The following PPFIA1 variants were observed in gnomAD, a reference collection of about 807,000 sequenced individuals.
The protein encoded by PPFIA1 is PPFI scaffold protein A1, also known as liprin-alpha-1.
PPFIA1 carries 25 observed loss-of-function variants against 149.9 expected under a neutral mutation model. The observed-to-expected ratio is 0.17, with a 90% CI of 0.12 to 0.23. The LOEUF is 0.23. Ranked by LOEUF, PPFIA1 falls within the 10% of genes least tolerant of loss-of-function variation. The pLI, the probability that PPFIA1 is intolerant of heterozygous loss-of-function variation, is 1.00. For missense variants in PPFIA1, 1,362 were observed against 1,506.5 expected, an observed-to-expected ratio of 0.90 and a Z score of 1.59; for synonymous variants, 549 against 552.8, an observed-to-expected ratio of 0.99 and a Z score of 0.10.
intron 24 of PPFIA1, chr11:70,375,451 T>A (rs2057454481): frequency 6.2e-6 from 1 of 160,054 alleles, no homozygotes; most frequent in Admixed American, 6.5e-5. Flanking sequence ...TCTTTTTGAC[T>A]CATGGGCTCA....
In PPFIA1 at chr11:70,362,410, G is replaced by T; in HGVS notation, c.2787G>T (p.Leu929=). Residue 929 remains leucine, a synonymous_variant, in exon 21 of 28, where the codon CTG becomes CTT. Transcript: ENST00000253925. ...IQREIGISNP[L]HRLKLRLAIQ... ...GTGAGATTGGCATCAGCAACCCCCT[G>T]CACAGGCTGAAGCTGAGGCTGGCCA... The T allele has an allele frequency of 1.2e-6, 2 of 1,614,168 alleles. No individual in the cohort carries two copies. Among genetic ancestry groups the T allele is most frequent in the Non-Finnish European group, 1.7e-6 (2 of 1,180,026 alleles).
At chr11:70,345,770 C>T (rs112383618) in intron 15 of PPFIA1, 2,698 of 200,218 alleles carry the variant, frequency 0.013, 64 homozygotes, top group African/African-American at 0.057. Flanking sequence ...GAGGCTGCAG[C>T]GAGCTGTGAT....
chr11:70,380,888 C>CA (rs768475115), intron 26 of PPFIA1, among the ~76,000 whole-genome samples: 3 of 151,958 alleles, frequency 2.0e-5, no homozygotes, highest in Non-Finnish European at 4.4e-5. Context: ...GGTTGGAGTG[C>CA]AGTGGCTCAG....
chr11:70,324,936 A>G lies in PPFIA1; in HGVS notation c.456A>G (p.Ala152=). The G allele has an allele frequency of 6.2e-7, 1 of 1,614,118 alleles. No homozygotes were observed. The highest frequency in any genetic ancestry group is 1.6e-4 in the Middle Eastern group (1 of 6,062). ...TGAAGAGACAAGCGCAGTCTCCAGC[A>G]GGCGTGTCCAGCGAAGTGGAAGTGC... The part of the protein sequence containing the change: ...TVVKRQAQSP[A]GVSSEVEVLK... The change falls in exon 4 of 28, where the codon GCA becomes GCG. Residue 152 remains alanine, a synonymous_variant. Coordinates refer to ENST00000253925, the MANE Select transcript of PPFIA1 (RefSeq NM_003626.5).
intron 2 of PPFIA1, among the ~76,000 whole-genome samples, chr11:70,293,681 TG>T (rs1016369994): frequency 3.3e-5 from 5 of 152,294 alleles, no homozygotes; most frequent in African/African-American, 1.2e-4. Flanking sequence ...CTGGGTGGAC[TG>T]GGCCCTGTAG....
chr11:70,355,508 A>G (rs903506853), intron 17 of PPFIA1, 131 bp from the exon 18 acceptor site: 3 of 879,360 alleles, frequency 3.4e-6, no homozygotes, highest in African/African-American at 3.4e-5. Context: ...TGCCTTTATC[A>G]TGCATGATGC....
chr11:70,359,969 A>C (rs1466415141), intron 19 of PPFIA1, among the ~76,000 whole-genome samples: 1 of 152,186 alleles, frequency 6.6e-6, no homozygotes, highest in Non-Finnish European at 1.5e-5. Flanking sequence ...CAGAGAAAAC[A>C]GGGGCTCTGG....
chr11:70,368,581 A>G (rs980239005), intron 21 of PPFIA1, among the ~76,000 whole-genome samples: 1 of 152,208 alleles, frequency 6.6e-6, no homozygotes, highest in African/African-American at 2.4e-5. Context: ...CACATTTTGC[A>G]TGCATTCTGT....
intron 2 of PPFIA1, among the ~76,000 whole-genome samples, chr11:70,273,144 A>T (rs1053735538): frequency 6.6e-6 from 1 of 152,000 alleles, no homozygotes; most frequent in African/African-American, 2.4e-5. Flanking sequence ...AGAGCGTGGT[A>T]GCGCGCATCT....
chr11:70,282,579 A>G (rs1236916187), intron 2 of PPFIA1, among the ~76,000 whole-genome samples: 2 of 114,992 alleles, frequency 1.7e-5, no homozygotes, highest in Non-Finnish European at 3.2e-5. Flanking sequence ...CCCAGGCTGG[A>G]GTGCAGTGGC....
intron 21 of PPFIA1, 23 bp from the exon 22 acceptor site, chr11:70,372,192 C>A: frequency 1.9e-6 from 3 of 1,584,714 alleles, no homozygotes; most frequent in South Asian, 1.2e-5. Flanking sequence ...CTGTAACTGA[C>A]CTTTTCCATT....
At chr11:70,349,135 CAAAAAA>C (rs749436919) in intron 16 of PPFIA1, among the ~76,000 whole-genome samples, 4 of 74,604 alleles carry the variant, frequency 5.4e-5, no homozygotes, top group African/African-American at 1.5e-4. Context: ...CATCTACTAC[CAAAAAA>C]AAAAAAAAAA....
chr11:70,354,235 A>G lies in PPFIA1; in HGVS notation c.2164-66A>G, dbSNP rs546604435. 3.1e-4 allele frequency: 463 copies of G among 1,484,814 alleles called. 1 individual carries two copies. In the Middle Eastern group the frequency reaches 8.4e-3, roughly 27 times the overall value. 92.0% of individuals were successfully genotyped at this position (1,484,814 alleles called of 1,614,324 possible). A position where few individuals can be genotyped will look rare whatever the true frequency, so the allele number is the denominator to read the frequency against. On this transcript the variant is annotated intron_variant, in intron 16 of 27. Transcript: ENST00000253925. ...TCGATTTTCAAAGAAGTTTATGGCT[A>G]TAATTTAAGGCCTGAGTTTTTCACA... is the stretch of plus-strand genomic sequence containing the variant.
At chr11:70,330,349 T>G in intron 8 of PPFIA1, 30 bp downstream of exon 8, 12 of 1,523,370 alleles carry the variant, frequency 7.9e-6, no homozygotes, top group Non-Finnish European at 9.7e-6. Context: ...TTTGTCTGGC[T>G]TTAGTTAATT....
intron 2 of PPFIA1, among the ~76,000 whole-genome samples, chr11:70,302,418 G>C (rs1410368988): frequency 6.6e-6 from 1 of 152,240 alleles, no homozygotes; most frequent in Non-Finnish European, 1.5e-5. Context: ...TTCTCTGAGA[G>C]CCTCGTGGGA....
chr11:70,289,675 T>G (rs1454922463), intron 2 of PPFIA1, among the ~76,000 whole-genome samples: 1 of 152,252 alleles, frequency 6.6e-6, no homozygotes. Context: ...ATTCAGAGTT[T>G]GCATTTTATA....
intron 14 of PPFIA1, 97 bp downstream of exon 14, chr11:70,339,403 T>C: frequency 7.4e-7 from 1 of 1,356,874 alleles, no homozygotes; most frequent in Non-Finnish European, 1.0e-6. Context: ...TGATAGGTCA[T>C]TGCTTTCTTG....
intron 2 of PPFIA1, among the ~76,000 whole-genome samples, chr11:70,291,133 C>G (rs2051498814): frequency 1.3e-5 from 2 of 152,088 alleles, no homozygotes; most frequent in Non-Finnish European, 2.9e-5. Flanking sequence ...TATCCACCAG[C>G]TCCCGGCCTC....
intron 21 of PPFIA1, chr11:70,366,092 G>A: frequency 2.7e-6 from 1 of 368,742 alleles, no homozygotes; most frequent in Middle Eastern, 4.1e-4. Flanking sequence ...CGGAGTACAG[G>A]ATTGTTAATG....
Sources: allele counts gnomAD v4.1 joint callset (sites outside exome capture counted in the v4.1 genomes callset), GRCh38; gene constraint gnomAD v4.1.1; transcripts MANE v1.5; gene names NCBI Gene and HGNC (gene_info 2026-07-23, HGNC 2026-07-21).